Variants in ATP6V1D observed in about 807,000 individuals in gnomAD.
The protein encoded by ATP6V1D is ATPase H+ transporting V1 subunit D.
ATP6V1D carries 20 observed loss-of-function variants against 39.4 expected under a neutral mutation model. The ratio of observed to expected loss-of-function variants is 0.51; its 90% CI spans 0.36 to 0.74. The LOEUF (loss-of-function observed/expected upper bound fraction) is 0.74, where lower values mean the gene tolerates loss of function less well. ATP6V1D is among the 30% of genes least tolerant of loss of function. The pLI, the probability that ATP6V1D is intolerant of heterozygous loss-of-function variation, is 0.00. For missense variants in ATP6V1D, 228 were observed against 291.6 expected (o/e 0.78, Z 1.59); for synonymous variants, 100 against 100.5 (o/e 0.99, Z 0.03).
In ATP6V1D at chr14:67,350,914, T is replaced by C. The variant is rs2085650788; in HGVS notation, c.160-224A>G. On this transcript the variant is annotated intron_variant, in intron 2 of 8. Coordinates refer to ENST00000216442, the MANE Select transcript of ATP6V1D (RefSeq NM_015994.4). The stretch of plus-strand genomic sequence containing the variant: ...TTATAATTAAAACAGAATAAATGCA[T>C]TGAGAAACAGAAAACTGAATCTTTA... 2.0e-5 allele frequency among the ~76,000 whole-genome samples: 3 copies of C among 152,204 alleles called. No individual in the cohort carries two copies. The South Asian group carries it at 6.2e-4, about 31-fold the overall frequency.
chr14:67,352,787 C>A, intron 2 of ATP6V1D, 136 bp downstream of exon 2: 1 of 620,800 alleles, frequency 1.6e-6, no homozygotes. Context: ...ATATTTGACA[C>A]TTGTTAAACT....
intron 2 of ATP6V1D, among the ~76,000 whole-genome samples, chr14:67,352,226 C>G (rs1038994615): frequency 2.3e-4 from 35 of 152,020 alleles, no homozygotes; most frequent in Middle Eastern, 3.4e-3. Context: ...TCAGCACTTT[C>G]GGAGGCCAAG....
intron 6 of ATP6V1D, among the ~76,000 whole-genome samples, chr14:67,343,868 C>G (rs993382872): frequency 1.3e-5 from 2 of 152,142 alleles, no homozygotes; most frequent in Non-Finnish European, 2.9e-5. Flanking sequence ...CATAACAAAA[C>G]AAAAACAAAA....
At position 67,337,885 on chromosome 14, in the gene ATP6V1D, A is replaced by G. The variant is rs941928106; in HGVS notation, c.*736T>C. The G allele has an allele frequency of 6.6e-6, 1 of 152,256 alleles. No homozygotes were observed. The highest frequency in any genetic ancestry group is 2.4e-5 in the African/African-American group (1 of 41,460). The allele number at this position is 152,256 out of a possible 1,614,324, so 9.4% of individuals were successfully genotyped here. A position where few individuals can be genotyped will look rare whatever the true frequency, so the allele number is the denominator to read the frequency against. ...ATAATGCCCTCATAACTCATCGGCA[A>G]TCATTTATTAGTACCCCAAAATGCA... is the stretch of plus-strand genomic sequence containing the variant. On this transcript the variant is annotated 3_prime_UTR_variant, in exon 9 of 9. Transcript: ENST00000216442.
chr14:67,346,121 A>T (rs918527228), intron 5 of ATP6V1D, among the ~76,000 whole-genome samples: 5 of 152,156 alleles, frequency 3.3e-5, no homozygotes, highest in African/African-American at 1.2e-4. Context: ...CCTTCACTTC[A>T]CTAGCTTGAT....
In ATP6V1D at chr14:67,346,437, G is replaced by A. The variant is rs61294719; in HGVS notation, c.353-566C>T. Reference sequence around the variant, plus strand: ...AGCAATCCTCCCACCTCGGCCTCCCGAGTAGCTGGGACCACAGGCGCATGC... The same window carrying A: ...AGCAATCCTCCCACCTCGGCCTCCCAAGTAGCTGGGACCACAGGCGCATGC... On this transcript the variant is annotated intron_variant, in intron 5 of 8. Transcript: ENST00000216442. Among the ~76,000 whole-genome samples, 495 of 152,174 alleles carry A rather than the reference G, an allele frequency of 3.3e-3. 2 individuals are homozygous for A. The highest frequency in any genetic ancestry group is 5.4e-3 in the Non-Finnish European group (364 of 67,996).
chr14:67,357,137 T>G (rs978807479), intron 1 of ATP6V1D, among the ~76,000 whole-genome samples: 29 of 152,372 alleles, frequency 1.9e-4, no homozygotes, highest in African/African-American at 6.5e-4. Context: ...AAATTTTTCA[T>G]GCGTCTTTTA....
At chr14:67,349,661 T>C (rs1396988167) in intron 3 of ATP6V1D, among the ~76,000 whole-genome samples, 3 of 151,956 alleles carry the variant, frequency 2.0e-5, no homozygotes, top group Admixed American at 6.6e-5. Context: ...GTGGTGAAAC[T>C]CAAAAATACA....
intron 7 of ATP6V1D, among the ~76,000 whole-genome samples, chr14:67,341,994 G>C (rs1001564127): frequency 2.6e-4 from 40 of 151,562 alleles, no homozygotes; most frequent in Admixed American, 1.8e-3. Context: ...CAGCATGCTC[G>C]TTAAGAGTCA....
intron 1 of ATP6V1D, among the ~76,000 whole-genome samples, chr14:67,358,112 G>A (rs984650452): frequency 2.0e-5 from 3 of 152,104 alleles, no homozygotes; most frequent in African/African-American, 7.2e-5. Flanking sequence ...GCGGCGGGGG[G>A]CGGCCTGGGG....
At chr14:67,348,775 C>T (rs1298962325) in intron 4 of ATP6V1D, 5 of 315,100 alleles carry the variant, frequency 1.6e-5, no homozygotes, top group African/African-American at 1.1e-4. Flanking sequence ...CCACCTCGGC[C>T]TCCCAAAGTG....
chr14:67,358,825 C>T (rs916135713), intron 1 of ATP6V1D, among the ~76,000 whole-genome samples: 1 of 152,196 alleles, frequency 6.6e-6, no homozygotes, highest in South Asian at 2.1e-4. Context: ...AGTGATATGC[C>T]ATTTTCCTGA....
At chr14:67,344,612 C>T (rs1045456841) in intron 6 of ATP6V1D, among the ~76,000 whole-genome samples, 1 of 152,096 alleles carries the variant, frequency 6.6e-6, no homozygotes, top group African/African-American at 2.4e-5. Flanking sequence ...GGTGAGGTGG[C>T]TCACACTTAT....
intron 3 of ATP6V1D, among the ~76,000 whole-genome samples, 168 bp downstream of exon 3, chr14:67,350,443 G>T (rs563028230): frequency 6.6e-6 from 1 of 152,316 alleles, no homozygotes; most frequent in Non-Finnish European, 1.5e-5. Flanking sequence ...ATTACATGTG[G>T]AAGATGACAG....
chr14:67,349,100 T>C lies in ATP6V1D; in HGVS notation c.244A>G (p.Thr82Ala). The C allele has an allele frequency of 1.2e-6, 2 of 1,613,940 alleles. No homozygotes were observed. The highest frequency in any genetic ancestry group is 1.7e-6 in the Non-Finnish European group (2 of 1,179,850). The change falls in exon 4 of 9, where the codon ACA becomes GCA. Residue 82 changes from threonine (T) to alanine (A), a missense_variant. Coordinates refer to ENST00000216442, the MANE Select transcript of ATP6V1D (RefSeq NM_015994.4). ...GCTTTATTGACATTTTGGATAACTG[T>C]AGTGCTGCAGAAAAAGAGAAAGACT... Reference protein sequence around the residue: ...AKFTAGDFSTTVIQNVNKAQV... With the variant: ...AKFTAGDFSTAVIQNVNKAQV...
intron 1 of ATP6V1D, among the ~76,000 whole-genome samples, chr14:67,356,540 A>T (rs2085686236): frequency 6.6e-6 from 1 of 152,198 alleles, no homozygotes; most frequent in Non-Finnish European, 1.5e-5. Context: ...TCTATAGCTG[A>T]AAGGGACTTT....
intron 6 of ATP6V1D, 101 bp downstream of exon 6, chr14:67,345,667 A>G: frequency 1.4e-6 from 1 of 704,394 alleles, no homozygotes; most frequent in South Asian, 1.8e-5. Flanking sequence ...GGAACAGTTA[A>G]AAGTACAAAG....
chr14:67,352,714 C>A, intron 2 of ATP6V1D: 1 of 455,936 alleles, frequency 2.2e-6, no homozygotes, highest in South Asian at 3.4e-5. Flanking sequence ...GGGGGCCAAT[C>A]AGATCAAGTG....
Position 67,338,374 on chromosome 14 carries a change from G to T in ATP6V1D, c.*247C>A. On this transcript the variant is annotated 3_prime_UTR_variant, in exon 9 of 9. Coordinates refer to ENST00000216442, the MANE Select transcript of ATP6V1D (RefSeq NM_015994.4). ...TGTAACACAGATGTAAATGGAGTAT[G>T]ATAACGCTTCTGCAAAGTAAATTCT... The T allele has an allele frequency of 2.4e-6, 1 of 425,416 alleles. No individual in the cohort carries two copies. The highest frequency in any genetic ancestry group is 4.2e-6 in the Non-Finnish European group (1 of 238,664). 26.4% of individuals were successfully genotyped at this position (425,416 alleles called of 1,614,324 possible). A position where few individuals can be genotyped will look rare whatever the true frequency, so the allele number is the denominator to read the frequency against.
Sources: allele counts gnomAD v4.1 joint callset (sites outside exome capture counted in the v4.1 genomes callset), GRCh38; gene constraint gnomAD v4.1.1; transcripts MANE v1.5; gene names NCBI Gene and HGNC (gene_info 2026-07-23, HGNC 2026-07-21).